The following GABRG3 variants were observed in gnomAD, a reference collection of about 807,000 sequenced individuals.
GABRG3 encodes the protein gamma-aminobutyric acid type A receptor subunit gamma3, also known as gamma-aminobutyric acid receptor subunit gamma-3.
A neutral mutation model predicts 48.8 loss-of-function variants in GABRG3; 25 were observed. That is an observed-to-expected ratio of 0.51 (90% CI 0.37 to 0.72). The LOEUF (loss-of-function observed/expected upper bound fraction) is 0.72. Among genes scored for constraint, GABRG3 ranks in the 30% least tolerant of loss-of-function variants. The pLI is 0.00. For missense variants in GABRG3, 394 were observed against 577.9 expected (o/e 0.68, Z 3.26); for synonymous variants, 227 against 217.6 (o/e 1.04, Z -0.38).
intron 5 of GABRG3, among the ~76,000 whole-genome samples, chr15:27,465,258 G>C (rs988703870): frequency 6.6e-6 from 1 of 152,194 alleles, no homozygotes; most frequent in Non-Finnish European, 1.5e-5. Context: ...AATTACTAAA[G>C]AGAGTAATGT....
chr15:27,403,914 C>CAAAAAAAAAAAAAAAA (rs528760544), intron 5 of GABRG3, among the ~76,000 whole-genome samples: 2 of 68,544 alleles, frequency 2.9e-5, no homozygotes, highest in Non-Finnish European at 6.4e-5. Context: ...CAAAAAAAAA[C>CAAAAAAAAAAAAAAAA]AAAAAAAAAA....
intron 5 of GABRG3, among the ~76,000 whole-genome samples, chr15:27,415,707 T>C (rs1024238211): frequency 3.3e-5 from 5 of 152,168 alleles, no homozygotes; most frequent in African/African-American, 7.2e-5. Context: ...AGCCCTTCCA[T>C]AGCTGAGTCT....
chr15:27,403,274 C>T (rs968520510), intron 5 of GABRG3, among the ~76,000 whole-genome samples: 1 of 152,026 alleles, frequency 6.6e-6, no homozygotes, highest in African/African-American at 2.4e-5. Flanking sequence ...ACCAATCAGG[C>T]AATGCTCTTT....
chr15:27,256,192 C>A (rs1045539594), intron 3 of GABRG3, among the ~76,000 whole-genome samples: 2 of 152,022 alleles, frequency 1.3e-5, no homozygotes, highest in African/African-American at 4.8e-5. Context: ...CCTGTAATCC[C>A]AGCACTTTGG....
chr15:27,020,480 C>G (rs181548608), intron 2 of GABRG3, among the ~76,000 whole-genome samples: 2 of 152,298 alleles, frequency 1.3e-5, no homozygotes, highest in Non-Finnish European at 2.9e-5. Context: ...GGCGCTATCT[C>G]GGCTCACTGC....
chr15:27,201,878 A>G (rs1381770598), intron 3 of GABRG3, among the ~76,000 whole-genome samples: 1 of 152,264 alleles, frequency 6.6e-6, no homozygotes, highest in Non-Finnish European at 1.5e-5. Flanking sequence ...GCAGAGAGTA[A>G]ACATGAAGTT....
chr15:26,981,482 T>C (rs1414167524), intron 2 of GABRG3, among the ~76,000 whole-genome samples: 1 of 152,228 alleles, frequency 6.6e-6, no homozygotes, highest in African/African-American at 2.4e-5. Context: ...CTGTCATCAA[T>C]GGATGGACTG....
At chr15:27,475,441 A>T (rs947111752) in intron 5 of GABRG3, among the ~76,000 whole-genome samples, 1 of 152,154 alleles carries the variant, frequency 6.6e-6, no homozygotes, top group African/African-American at 2.4e-5. Context: ...GATGACCGTG[A>T]TGATGATGGC....
chr15:27,229,779 G>A (rs11855836), intron 3 of GABRG3, among the ~76,000 whole-genome samples: 2,648 of 152,078 alleles, frequency 0.017, 73 homozygotes, highest in African/African-American at 0.061. Flanking sequence ...GCCCAGCTAT[G>A]TGCCTGTTTT....
At chr15:27,118,094 A>G (rs543305768) in intron 3 of GABRG3, among the ~76,000 whole-genome samples, 9 of 152,284 alleles carry the variant, frequency 5.9e-5, no homozygotes, top group South Asian at 4.1e-4. Context: ...CCATTCTTCA[A>G]TGCTTTAGTT....
chr15:27,425,364 G>A (rs954161088), intron 5 of GABRG3, among the ~76,000 whole-genome samples: 1 of 151,704 alleles, frequency 6.6e-6, no homozygotes, highest in Non-Finnish European at 1.5e-5. Flanking sequence ...GTGGCCACTG[G>A]GAGGCCGAGG....
chr15:27,071,304 C>A (rs1196964262), intron 3 of GABRG3, among the ~76,000 whole-genome samples: 1 of 152,118 alleles, frequency 6.6e-6, no homozygotes, highest in African/African-American at 2.4e-5. Flanking sequence ...GCCACCCTAC[C>A]CCCTTCTCCT....
In GABRG3 at chr15:27,194,382, A is replaced by G. The variant is rs79735274; in HGVS notation, c.271-132427A>G. 7.8e-3 allele frequency among the ~76,000 whole-genome samples: 1,181 copies of G among 152,306 alleles called. 19 individuals are homozygous for G. Among genetic ancestry groups the G allele is most frequent in the African/African-American group, 0.027 (1,113 of 41,566 alleles). On this transcript the variant is annotated intron_variant, in intron 3 of 9. Coordinates refer to ENST00000615808, the MANE Select transcript of GABRG3 (RefSeq NM_033223.5). ...CTCTTCTTTCTTTTGTGAAGTTCCA[A>G]ACCTTCCTTTATTGTCATGTCCTTT...
chr15:27,278,438 A>C (rs568038451), intron 3 of GABRG3, among the ~76,000 whole-genome samples: 14 of 152,156 alleles, frequency 9.2e-5, no homozygotes, highest in Non-Finnish European at 1.8e-4. Flanking sequence ...GATCTCAGGA[A>C]GAATATGTTC....
At chr15:27,083,790 A>G (rs1240025871) in intron 3 of GABRG3, among the ~76,000 whole-genome samples, 1 of 152,234 alleles carries the variant, frequency 6.6e-6, no homozygotes, top group Non-Finnish European at 1.5e-5. Flanking sequence ...TGTGTTCACC[A>G]TGTATGTGGG....
intron 3 of GABRG3, among the ~76,000 whole-genome samples, chr15:27,307,944 T>C (rs943574692): frequency 3.7e-5 from 5 of 135,736 alleles, no homozygotes; most frequent in Non-Finnish European, 7.7e-5. Flanking sequence ...TATATAAACA[T>C]ATATGTAAAA....
intron 3 of GABRG3, among the ~76,000 whole-genome samples, chr15:27,077,598 C>T (rs1896929996): frequency 1.3e-5 from 2 of 152,192 alleles, no homozygotes; most frequent in Admixed American, 6.5e-5. Flanking sequence ...ACATCTTCCC[C>T]AGACCCCGTG....
intron 3 of GABRG3, among the ~76,000 whole-genome samples, chr15:27,104,290 G>A (rs755526940): frequency 2.6e-5 from 4 of 152,188 alleles, no homozygotes; most frequent in Admixed American, 1.3e-4. Flanking sequence ...TCAGTGGTAC[G>A]AGCCAGGACA....
At chr15:27,018,510 C>T (rs1467077409) in intron 2 of GABRG3, among the ~76,000 whole-genome samples, 1 of 152,132 alleles carries the variant, frequency 6.6e-6, no homozygotes, top group Non-Finnish European at 1.5e-5. Context: ...TGACAATAAC[C>T]TTATCTTTAT....
Sources: gnomAD v4.1 joint callset for allele counts (sites outside exome capture counted in the v4.1 genomes callset) on GRCh38, gnomAD v4.1.1 for gene constraint, MANE v1.5 for transcripts, NCBI Gene and HGNC (gene_info 2026-07-23, HGNC 2026-07-21) for gene names.